TMEM132D: variants seen among roughly 807,000 people sequenced by gnomAD.
TMEM132D encodes the protein transmembrane protein 132D, also known as mature OL transmembrane protein.
A neutral mutation model predicts 62.3 loss-of-function variants in TMEM132D; 21 were observed. That is an observed-to-expected ratio of 0.34 (90% confidence interval 0.24 to 0.49). The LOEUF (loss-of-function observed/expected upper bound fraction) is 0.49, where lower values mean the gene tolerates loss of function less well. Ranked by LOEUF, TMEM132D falls within the 20% of genes least tolerant of loss-of-function variation. TMEM132D has a pLI of 0.99. For synonymous variants in TMEM132D, 621 were observed against 575.6 expected, an observed-to-expected ratio of 1.08 and a Z score of -1.13; for missense variants, 1,346 against 1,402.8, an observed-to-expected ratio of 0.96 and a Z score of 0.65.
At chr12:129,186,983 T>C (rs1878239567) in intron 5 of TMEM132D, among the ~76,000 whole-genome samples, 1 of 152,238 alleles carries the variant, frequency 6.6e-6, no homozygotes, top group Non-Finnish European at 1.5e-5. Flanking sequence ...TGAACACCTA[T>C]TGTCAATTTA....
At chr12:129,389,253 C>T (rs1871231780) in intron 3 of TMEM132D, among the ~76,000 whole-genome samples, 2 of 151,936 alleles carry the variant, frequency 1.3e-5, no homozygotes, top group South Asian at 4.2e-4. Flanking sequence ...AATACTAACA[C>T]CAACACTGAC....
chr12:129,562,963 A>G (rs1003118015), intron 2 of TMEM132D, among the ~76,000 whole-genome samples: 3 of 152,346 alleles, frequency 2.0e-5, no homozygotes, highest in East Asian at 1.9e-4. Context: ...GGCACCTACC[A>G]TCTTGTGCTG....
rs114981746 is a variant in TMEM132D, at chr12:129,260,995, T to C, written c.1300-51332A>G. 4.1e-3 allele frequency among the ~76,000 whole-genome samples: 619 copies of C among 152,338 alleles called. 2 individuals are homozygous for C. Among genetic ancestry groups the C allele is most frequent in the African/African-American group, 0.014 (586 of 41,566 alleles). Reference sequence around the variant, plus strand: ...CATGCATATGCATCTATCTTTTTCTTATAATGCCTTCTTTTCCTTTTGGTG... The same window carrying C: ...CATGCATATGCATCTATCTTTTTCTCATAATGCCTTCTTTTCCTTTTGGTG... On this transcript the variant is annotated intron_variant, in intron 4 of 8. Transcript: ENST00000422113.
At chr12:129,508,435 A>G (rs376873505) in intron 3 of TMEM132D, among the ~76,000 whole-genome samples, 1 of 152,220 alleles carries the variant, frequency 6.6e-6, no homozygotes, top group African/African-American at 2.4e-5. Context: ...AAAGCAGACA[A>G]TGACTATTAG....
chr12:129,470,406 A>G (rs965448632), intron 3 of TMEM132D, among the ~76,000 whole-genome samples: 7 of 151,954 alleles, frequency 4.6e-5, no homozygotes, highest in African/African-American at 1.5e-4. Context: ...TGTAAGAGAA[A>G]CTCTGAGGTC....
chr12:129,217,859 G>A (rs1879251039), intron 4 of TMEM132D, among the ~76,000 whole-genome samples: 1 of 152,176 alleles, frequency 6.6e-6, no homozygotes, highest in African/African-American at 2.4e-5. Flanking sequence ...AGGATAGATA[G>A]TTTTTGCTTT....
At chr12:129,389,268 T>C (rs1005334377) in intron 3 of TMEM132D, among the ~76,000 whole-genome samples, 1 of 151,748 alleles carries the variant, frequency 6.6e-6, no homozygotes, top group African/African-American at 2.4e-5. Flanking sequence ...ACTGACACTA[T>C]ATTAATACAA....
chr12:129,199,593 C>T (rs571402118), intron 5 of TMEM132D, among the ~76,000 whole-genome samples: 114 of 152,164 alleles, frequency 7.5e-4, no homozygotes, highest in Non-Finnish European at 1.4e-3. Flanking sequence ...TTTTAAACTG[C>T]TCTAAAGAAA....
intron 1 of TMEM132D, among the ~76,000 whole-genome samples, chr12:129,840,991 T>A (rs1276771072): frequency 6.6e-6 from 1 of 152,242 alleles, no homozygotes; most frequent in Admixed American, 6.5e-5. Context: ...TGCTGTTTGG[T>A]TACAGAACTG....
At chr12:129,726,644 C>G (rs1715223336) in intron 1 of TMEM132D, among the ~76,000 whole-genome samples, 1 of 152,054 alleles carries the variant, frequency 6.6e-6, no homozygotes, top group Non-Finnish European at 1.5e-5. Flanking sequence ...TGTCTTGCTG[C>G]TGTGTGCAGG....
intron 5 of TMEM132D, among the ~76,000 whole-genome samples, chr12:129,091,487 C>T (rs187829949): frequency 4.0e-5 from 6 of 150,872 alleles, no homozygotes; most frequent in Admixed American, 3.3e-4. Flanking sequence ...GGAGACCTTA[C>T]CTATGCTCAC....
chr12:129,088,030 CG>C (rs1254494108), intron 5 of TMEM132D, among the ~76,000 whole-genome samples: 44 of 58,066 alleles, frequency 7.6e-4, no homozygotes, highest in East Asian at 4.0e-3. Flanking sequence ...CCTCCATGAC[CG>C]GGGTGTCCTC....
chr12:129,273,387 G>A (rs1880911026), intron 4 of TMEM132D, among the ~76,000 whole-genome samples: 1 of 144,984 alleles, frequency 6.9e-6, no homozygotes, highest in African/African-American at 2.6e-5. Flanking sequence ...ACTTGCTCCA[G>A]CAATCCCACT....
intron 5 of TMEM132D, among the ~76,000 whole-genome samples, chr12:129,199,737 G>C (rs1216093357): frequency 6.6e-6 from 1 of 152,180 alleles, no homozygotes; most frequent in Non-Finnish European, 1.5e-5. Context: ...GCAAGCAAGA[G>C]AGCTTGTGCA....
Position 129,143,098 on chromosome 12 carries a change from T to A in TMEM132D, c.1444-58396A>T, listed in dbSNP as rs569008684. On this transcript the variant is annotated intron_variant, in intron 5 of 8. Transcript: ENST00000422113. ...CTGTCTACCCAAAGATAGCATCAGA[T>A]CCCACAGGTTGAGGGCTCAGTCCCA... 2.0e-5 allele frequency among the ~76,000 whole-genome samples: 3 copies of A among 152,196 alleles called. No homozygotes were observed. In the East Asian group the frequency reaches 5.8e-4, roughly 30 times the overall value.
intron 5 of TMEM132D, among the ~76,000 whole-genome samples, chr12:129,189,014 C>T (rs1878306841): frequency 6.6e-6 from 1 of 152,152 alleles, no homozygotes; most frequent in Non-Finnish European, 1.5e-5. Flanking sequence ...AGAATTGATG[C>T]TACTCACCCT....
At chr12:129,698,807 G>A (rs1043490039) in intron 2 of TMEM132D, among the ~76,000 whole-genome samples, 3 of 150,994 alleles carry the variant, frequency 2.0e-5, no homozygotes, top group African/African-American at 7.3e-5. Flanking sequence ...GAAAAGAATA[G>A]AAAAAAGAAA....
intron 4 of TMEM132D, among the ~76,000 whole-genome samples, chr12:129,245,919 G>GA (rs34963143): frequency 6.6e-6 from 1 of 152,082 alleles, no homozygotes. Flanking sequence ...TGGCTTTTAC[G>GA]AAAAAACTAG....
At chr12:129,603,530 A>G (rs1878536824) in intron 2 of TMEM132D, among the ~76,000 whole-genome samples, 1 of 152,166 alleles carries the variant, frequency 6.6e-6, no homozygotes, top group Admixed American at 6.5e-5. Flanking sequence ...TGACTTCTCA[A>G]CAGAAGACAT....
Sources: allele counts gnomAD v4.1 joint callset (sites outside exome capture counted in the v4.1 genomes callset), GRCh38; gene constraint gnomAD v4.1.1; transcripts MANE v1.5; gene names NCBI Gene and HGNC (gene_info 2026-07-23, HGNC 2026-07-21).